Variants in NRXN1 observed in about 807,000 individuals in gnomAD.
NRXN1 encodes the protein neurexin-1.
In NRXN1, 39 loss-of-function variants were observed where a neutral mutation model predicts 150.9. The observed-to-expected ratio is 0.26, with a 90% CI of 0.20 to 0.34. The LOEUF (loss-of-function observed/expected upper bound fraction) is 0.34. Ranked by LOEUF, NRXN1 falls within the 10% of genes least tolerant of loss-of-function variation. NRXN1 has a pLI of 1.00. For missense variants in NRXN1, 1,815 were observed against 1,949.9 expected (o/e 0.93, Z 1.30); for synonymous variants, 924 against 757.0 (o/e 1.22, Z -3.62).
At chr2:51,017,954 T>C (rs919078076) in intron 2 of NRXN1, among the ~76,000 whole-genome samples, 14 of 152,190 alleles carry the variant, frequency 9.2e-5, no homozygotes, top group African/African-American at 3.1e-4. Context: ...CATGCTTAAT[T>C]ATAGAGGAAC....
At chr2:50,450,681 A>T (rs551910871) in intron 17 of NRXN1, among the ~76,000 whole-genome samples, 2 of 152,298 alleles carry the variant, frequency 1.3e-5, no homozygotes, top group South Asian at 4.1e-4. Context: ...TATCCTTGGA[A>T]AGTGAAACGA....
At chr2:50,617,922 C>A (rs1176458974) in intron 8 of NRXN1, among the ~76,000 whole-genome samples, 1 of 152,148 alleles carries the variant, frequency 6.6e-6, no homozygotes, top group Non-Finnish European at 1.5e-5. Context: ...CAGAAAAAAA[C>A]TGCCTCACTT....
At chr2:50,620,285 G>T in intron 7 of NRXN1, 102 bp from the exon 8 acceptor site, 2 of 1,306,136 alleles carry the variant, frequency 1.5e-6, no homozygotes, top group Non-Finnish European at 1.0e-6. Flanking sequence ...TTTTTGTTTT[G>T]TTTTGTTTTG....
In NRXN1 at chr2:50,885,149, G is replaced by T. The variant is rs191761592; in HGVS notation, c.832+36720C>A. Among the ~76,000 whole-genome samples, 212 of 151,424 alleles carry T rather than the reference G, an allele frequency of 1.4e-3. 1 individual carries two copies. Among genetic ancestry groups the T allele is most frequent in the African/African-American group, 5.0e-3 (208 of 41,452 alleles). On this transcript the variant is annotated intron_variant, in intron 5 of 22. Coordinates refer to ENST00000401669, the MANE Select transcript of NRXN1 (RefSeq NM_001330078.2). ...CAACCTTGCAAGGTAACACAAAAGG[G>T]CTCATCTTTATGCAACAGTTTTAGA...
intron 21 of NRXN1, among the ~76,000 whole-genome samples, chr2:49,988,566 C>G (rs1681355724): frequency 6.8e-6 from 1 of 148,134 alleles, no homozygotes; most frequent in Non-Finnish European, 1.5e-5. Flanking sequence ...ACAGAGTTCT[C>G]TTAGACATTT....
intron 18 of NRXN1, among the ~76,000 whole-genome samples, chr2:50,223,373 C>G (rs941553026): frequency 6.6e-6 from 1 of 151,932 alleles, no homozygotes; most frequent in Non-Finnish European, 1.5e-5. Flanking sequence ...ACACCCTTCT[C>G]AATAACCAGT....
At chr2:50,205,173 T>A (rs1327538423) in intron 18 of NRXN1, among the ~76,000 whole-genome samples, 1 of 152,100 alleles carries the variant, frequency 6.6e-6, no homozygotes, top group Non-Finnish European at 1.5e-5. Context: ...AGACAATTCA[T>A]CTGCATGGAA....
At chr2:50,979,856 C>G (rs566081775) in intron 2 of NRXN1, among the ~76,000 whole-genome samples, 1 of 152,202 alleles carries the variant, frequency 6.6e-6, no homozygotes, top group South Asian at 2.1e-4. Flanking sequence ...TGAAAGAGAG[C>G]TGAAGCACAC....
At chr2:50,542,627 G>A (rs1248474096) in intron 9 of NRXN1, among the ~76,000 whole-genome samples, 1 of 152,120 alleles carries the variant, frequency 6.6e-6, no homozygotes, top group Non-Finnish European at 1.5e-5. Flanking sequence ...TAGTTCAAGT[G>A]GGATGGAAAC....
chr2:49,966,784 G>A (rs1002866560), intron 21 of NRXN1: 12 of 151,958 alleles, frequency 7.9e-5, no homozygotes, highest in African/African-American at 2.9e-4. Flanking sequence ...CAGTTGTAAG[G>A]GTAAATCTGA....
Position 50,511,540 on chromosome 2 carries a change from G to C in NRXN1, c.2375-4923C>G, listed in dbSNP as rs114257937. Among the ~76,000 whole-genome samples, 685 of 152,220 alleles carry C rather than the reference G, an allele frequency of 4.5e-3. 12 individuals are homozygous for C. The highest frequency in any genetic ancestry group is 0.016 in the African/African-American group (667 of 41,536). On this transcript the variant is annotated intron_variant, in intron 12 of 22. Transcript: ENST00000401669. ...CTGGTGATATTCACTGGGTTTGCTG[G>C]TGACCCTGTAGCTAAAACCTATTGA...
intron 2 of NRXN1, among the ~76,000 whole-genome samples, chr2:50,928,170 C>A (rs1301470182): frequency 2.6e-5 from 4 of 151,384 alleles, no homozygotes; most frequent in African/African-American, 9.7e-5. Context: ...AATTCTGACT[C>A]GACTAAATCC....
chr2:50,478,747 C>G (rs1192125394), intron 15 of NRXN1, among the ~76,000 whole-genome samples: 1 of 152,160 alleles, frequency 6.6e-6, no homozygotes, highest in African/African-American at 2.4e-5. Context: ...TTTTTCTAAA[C>G]TTTCATGTTG....
intron 5 of NRXN1, among the ~76,000 whole-genome samples, chr2:50,635,059 A>T (rs1310397357): frequency 6.6e-6 from 1 of 152,152 alleles, no homozygotes; most frequent in South Asian, 2.1e-4. Flanking sequence ...CTTGTGAGTA[A>T]TACCGGCTAG....
chr2:50,823,308 T>C (rs1669991464), intron 5 of NRXN1, among the ~76,000 whole-genome samples: 1 of 152,174 alleles, frequency 6.6e-6, no homozygotes, highest in Non-Finnish European at 1.5e-5. Flanking sequence ...CCTGTGACCC[T>C]AGGCCATCAG....
At chr2:50,386,518 A>G (rs2081338645) in intron 17 of NRXN1, among the ~76,000 whole-genome samples, 2 of 152,250 alleles carry the variant, frequency 1.3e-5, no homozygotes, top group East Asian at 1.9e-4. Flanking sequence ...GCAAAGTCAT[A>G]ATAAGATTAT....
chr2:49,923,875 G>T (rs1668632746), intron 22 of NRXN1, among the ~76,000 whole-genome samples: 1 of 152,178 alleles, frequency 6.6e-6, no homozygotes, highest in Non-Finnish European at 1.5e-5. Flanking sequence ...TTTTTATGCT[G>T]AATGTGTCAT....
chr2:50,988,991 T>A (rs998965801), intron 2 of NRXN1, among the ~76,000 whole-genome samples: 5 of 151,950 alleles, frequency 3.3e-5, no homozygotes, highest in East Asian at 1.9e-4. Context: ...TTCCCACTTT[T>A]TCCCCCCATA....
chr2:50,828,584 C>G (rs1160910979), intron 5 of NRXN1, among the ~76,000 whole-genome samples: 1 of 149,376 alleles, frequency 6.7e-6, no homozygotes, highest in Non-Finnish European at 1.5e-5. Context: ...TCCTTACATC[C>G]CAGACAGGGC....
Sources: gnomAD v4.1 joint callset for allele counts (sites outside exome capture counted in the v4.1 genomes callset) on GRCh38, gnomAD v4.1.1 for gene constraint, MANE v1.5 for transcripts, NCBI Gene and HGNC (gene_info 2026-07-23, HGNC 2026-07-21) for gene names.